DGKB: variants seen among roughly 807,000 people sequenced by gnomAD.
DGKB encodes 90 kDa diacylglycerol kinase.
In DGKB, 67 loss-of-function variants were observed where a neutral mutation model predicts 114.3. That is an observed-to-expected ratio of 0.59 (90% CI 0.48 to 0.72). The LOEUF (loss-of-function observed/expected upper bound fraction) is 0.72, where lower values mean the gene tolerates loss of function less well. Ranked by LOEUF, DGKB falls within the 30% of genes least tolerant of loss-of-function variation. The pLI, the probability that DGKB is intolerant of heterozygous loss-of-function variation, is 0.00. For synonymous variants in DGKB, 398 were observed against 323.1 expected (o/e 1.23, Z -2.49); for missense variants, 907 against 975.2 (o/e 0.93, Z 0.93).
intron 17 of DGKB, 100 bp downstream of exon 17, chr7:14,607,334 T>C (rs1052107904): frequency 6.8e-5 from 46 of 675,446 alleles, no homozygotes; most frequent in Non-Finnish European, 1.1e-4. Context: ...ACTAATATGC[T>C]GCTGTGTTCA....
intron 21 of DGKB, among the ~76,000 whole-genome samples, chr7:14,382,262 C>T (rs796223215): frequency 2.0e-4 from 31 of 151,752 alleles, no homozygotes; most frequent in African/African-American, 7.2e-4. Context: ...GAGCCCAGCC[C>T]TTGTGCACAG....
chr7:14,369,438 T>C lies in DGKB; in HGVS notation c.1836-24047A>G, dbSNP rs147323679. ...TATAATCCTTTGAGTATATACCTAG[T>C]AGTGGGATTACTGGGTCAAATGGTA... On this transcript the variant is annotated intron_variant, in intron 21 of 25. Coordinates refer to ENST00000402815, the MANE Select transcript of DGKB (RefSeq NM_001350709.2). Among the ~76,000 whole-genome samples the C allele has an allele frequency of 2.4e-3, 364 of 152,286 alleles. 2 individuals carry two copies. Among genetic ancestry groups the C allele is most frequent in the African/African-American group, 8.2e-3 (342 of 41,544 alleles).
Position 14,332,790 on chromosome 7 carries a change from A to G in DGKB, c.2122+5725T>C, listed in dbSNP as rs976006824. On this transcript the variant is annotated intron_variant, in intron 23 of 25. Coordinates refer to ENST00000402815, the MANE Select transcript of DGKB (RefSeq NM_001350709.2). ...GTTTTGGGAAATTCTGCCCGAAGAA[A>G]AGAGTATCATTGTTAAATGTGAATG... Among the ~76,000 whole-genome samples the G allele has an allele frequency of 2.0e-5, 3 of 152,160 alleles. No individual in the cohort carries two copies. In the South Asian group the frequency reaches 6.2e-4, roughly 31 times the overall value.
At chr7:14,837,451 C>T (rs935190669) in intron 2 of DGKB, among the ~76,000 whole-genome samples, 4 of 152,152 alleles carry the variant, frequency 2.6e-5, no homozygotes, top group African/African-American at 9.7e-5. Context: ...CCCAATAGTT[C>T]CACAGCCCCA....
At chr7:14,239,576 G>A (rs1415541421) in intron 23 of DGKB, among the ~76,000 whole-genome samples, 1 of 151,772 alleles carries the variant, frequency 6.6e-6, no homozygotes, top group African/African-American at 2.4e-5. Context: ...AATCTTTCTA[G>A]GTAGATAATT....
At chr7:14,159,296 G>GCCTA (rs1783505004) in intron 25 of DGKB, among the ~76,000 whole-genome samples, 1 of 151,968 alleles carries the variant, frequency 6.6e-6, no homozygotes, top group African/African-American at 2.4e-5. Flanking sequence ...TCTCTTTGGG[G>GCCTA]CCTAGTTATA....
intron 21 of DGKB, among the ~76,000 whole-genome samples, chr7:14,430,657 C>T (rs1828317805): frequency 6.6e-6 from 1 of 152,038 alleles, no homozygotes; most frequent in Admixed American, 6.6e-5. Flanking sequence ...TAGATGAATA[C>T]AATATAAATT....
chr7:14,307,559 T>C (rs1804695425), intron 23 of DGKB, among the ~76,000 whole-genome samples: 1 of 152,182 alleles, frequency 6.6e-6, no homozygotes, highest in Admixed American at 6.5e-5. Context: ...TAAAGAAATA[T>C]GCTCAAAACT....
rs1464367867 is a variant in DGKB at position 14,649,012 on chromosome 7, C to T, written c.1135-18744G>A. Among the ~76,000 whole-genome samples, 4 of 66,244 alleles carry T rather than the reference C, an allele frequency of 6.0e-5. 2 individuals are homozygous for T. Among genetic ancestry groups the T allele is most frequent in the African/African-American group, 1.2e-4 (2 of 16,092 alleles). 43.5% of individuals were successfully genotyped at this position (66,244 alleles called of 152,430 possible). The stretch of plus-strand genomic sequence containing the variant: ...GGACTATGTGAAAAGACCAAATCTA[C>T]GTCTCATTGGTGTACCTGAAAGTGA... On this transcript the variant is annotated intron_variant, in intron 13 of 25. Transcript: ENST00000402815.
At chr7:14,781,997 G>A (rs930779465) in intron 2 of DGKB, among the ~76,000 whole-genome samples, 3 of 151,920 alleles carry the variant, frequency 2.0e-5, no homozygotes, top group Non-Finnish European at 4.4e-5. Flanking sequence ...AAAGTAGAAA[G>A]CATTTTTTTA....
intron 13 of DGKB, among the ~76,000 whole-genome samples, chr7:14,646,979 C>T (rs1324254159): frequency 1.3e-5 from 2 of 151,280 alleles, no homozygotes; most frequent in African/African-American, 4.8e-5. Flanking sequence ...AAGATCAAAG[C>T]AGAACTAAAC....
chr7:14,840,848 G>A (rs944072387), intron 2 of DGKB, among the ~76,000 whole-genome samples: 11 of 151,312 alleles, frequency 7.3e-5, no homozygotes, highest in African/African-American at 1.7e-4. Context: ...CACTCTCTGC[G>A]CCCGTTTGTC....
At chr7:14,488,330 C>T (rs1199420926) in intron 20 of DGKB, among the ~76,000 whole-genome samples, 1 of 152,124 alleles carries the variant, frequency 6.6e-6, no homozygotes, top group Non-Finnish European at 1.5e-5. Flanking sequence ...ATGGTCTTTT[C>T]ACATAATTAA....
intron 2 of DGKB, among the ~76,000 whole-genome samples, chr7:14,780,701 C>T (rs1270928519): frequency 6.6e-6 from 1 of 152,072 alleles, no homozygotes; most frequent in Non-Finnish European, 1.5e-5. Context: ...AACACTAGAC[C>T]TTCCATACTT....
At chr7:14,200,500 TTTC>T (rs1335016388) in intron 23 of DGKB, among the ~76,000 whole-genome samples, 1 of 152,226 alleles carries the variant, frequency 6.6e-6, no homozygotes, top group South Asian at 2.1e-4. Flanking sequence ...TCTCTTTTTG[TTTC>T]TTCTTGATTA....
At chr7:14,618,495 GT>G (rs1443428912) in intron 15 of DGKB, among the ~76,000 whole-genome samples, 1 of 151,580 alleles carries the variant, frequency 6.6e-6, no homozygotes. Flanking sequence ...CAATTGTTCT[GT>G]TTTTCTCCTT....
Position 14,757,751 on chromosome 7 carries a change from CA to C in DGKB, c.71-21del. On this transcript the variant is annotated intron_variant, in intron 2 of 25. Coordinates refer to ENST00000402815, the MANE Select transcript of DGKB (RefSeq NM_001350709.2). Reference sequence around the variant, plus strand: ...TAGAATCTATAAAAAACAGAAAACACAAAAATTGTTTATATGCACATACTGT... The same window carrying C: ...TAGAATCTATAAAAAACAGAAAACACAAAATTGTTTATATGCACATACTGT... 1.3e-6 allele frequency: 2 copies of C among 1,482,410 alleles called. No individual in the cohort carries two copies. Among genetic ancestry groups the C allele is most frequent in the Non-Finnish European group, 1.9e-6 (2 of 1,064,984 alleles). The allele number at this position is 1,482,410 out of a possible 1,614,324, so 91.8% of individuals were successfully genotyped here.
intron 20 of DGKB, among the ~76,000 whole-genome samples, chr7:14,535,180 T>C: frequency 6.6e-6 from 1 of 151,906 alleles, no homozygotes; most frequent in Admixed American, 6.6e-5. Flanking sequence ...ATTAGCCTTG[T>C]CAACACAGTG....
intron 6 of DGKB, among the ~76,000 whole-genome samples, chr7:14,703,080 A>C (rs981696327): frequency 2.6e-5 from 4 of 152,196 alleles, no homozygotes; most frequent in African/African-American, 9.6e-5. Context: ...AGAAGGAAAC[A>C]GCAACTTACA....
Sources: gnomAD v4.1 joint callset for allele counts (sites outside exome capture counted in the v4.1 genomes callset) on GRCh38, gnomAD v4.1.1 for gene constraint, MANE v1.5 for transcripts, NCBI Gene and HGNC (gene_info 2026-07-23, HGNC 2026-07-21) for gene names.